The following ANKRD11 variants were observed in gnomAD, a reference collection of about 807,000 sequenced individuals.
ANKRD11 encodes the protein ankyrin repeat domain 11.
In ANKRD11, 17 loss-of-function variants were observed where a neutral mutation model predicts 195.7. The observed-to-expected ratio is 0.09, with a 90% CI of 0.06 to 0.13. ANKRD11 has a LOEUF of 0.13. ANKRD11 is among the 10% of genes least tolerant of loss of function. The probability of loss-of-function intolerance (pLI) is 1.00; values close to 1 mark genes in which losing one functional copy is unlikely to be tolerated. For missense variants in ANKRD11, 3,735 were observed against 3,566.1 expected, an observed-to-expected ratio of 1.05 and a Z score of -1.21; for synonymous variants, 1,953 against 1,528.1, an observed-to-expected ratio of 1.28 and a Z score of -6.49.
At position 89,291,649 on chromosome 16, in the gene ANKRD11, A is replaced by G. The variant is rs1311984739; in HGVS notation, c.227-466T>C. Reference sequence around the variant, plus strand: ...TGGCAGACACAGTTTAAAACACATCAGTAAATCAAGGCCAACTGGTCAGTA... The same window carrying G: ...TGGCAGACACAGTTTAAAACACATCGGTAAATCAAGGCCAACTGGTCAGTA... On this transcript the variant is annotated intron_variant, in intron 4 of 12. Coordinates refer to ENST00000301030, the MANE Select transcript of ANKRD11 (RefSeq NM_013275.6). This position sits in a 1 kb window ranked among gnomAD's most constrained non-coding sequence, Gnocchi z 5.3. The G allele has an allele frequency of 1.6e-6, 2 of 1,280,232 alleles. No homozygotes were observed. Among genetic ancestry groups the G allele is most frequent in the East Asian group, 1.1e-4 (2 of 18,022 alleles). 79.3% of individuals were successfully genotyped at this position (1,280,232 alleles called of 1,614,324 possible). A position where few individuals can be genotyped will look rare whatever the true frequency, so the allele number is the denominator to read the frequency against.
intron 1 of ANKRD11, chr16:89,489,002 T>A (rs1315916336): frequency 6.6e-6 from 1 of 152,106 alleles, no homozygotes; most frequent in South Asian, 2.1e-4. Flanking sequence ...CCAAGCCTCT[T>A]CCAAAACTTC....
intron 2 of ANKRD11, among the ~76,000 whole-genome samples, chr16:89,410,975 C>T (rs1234714748): frequency 1.3e-5 from 2 of 152,228 alleles, no homozygotes; most frequent in Non-Finnish European, 2.9e-5. Context: ...GGCTGCCCGG[C>T]CTCCACAGGC....
chr16:89,337,089 G>C (rs2151982760), intron 2 of ANKRD11, among the ~76,000 whole-genome samples: 1 of 151,224 alleles, frequency 6.6e-6, no homozygotes, highest in Non-Finnish European at 1.5e-5. Context: ...GGGAGGCTGA[G>C]ATGGGAGGAT....
intron 1 of ANKRD11, among the ~76,000 whole-genome samples, chr16:89,441,764 C>G (rs1406792984): frequency 9.8e-5 from 2 of 20,436 alleles, no homozygotes; most frequent in East Asian, 1.4e-3. Context: ...GAGACTCCGC[C>G]TACAAAAAAA....
At chr16:89,453,222 T>C (rs1461643261) in intron 1 of ANKRD11, among the ~76,000 whole-genome samples, 1 of 152,240 alleles carries the variant, frequency 6.6e-6, no homozygotes, top group Non-Finnish European at 1.5e-5. Flanking sequence ...ATTTCTTAGA[T>C]ACTCACTACT....
intron 2 of ANKRD11, among the ~76,000 whole-genome samples, chr16:89,394,648 A>G (rs2041347093): frequency 6.6e-6 from 1 of 151,800 alleles, no homozygotes; most frequent in Non-Finnish European, 1.5e-5. Context: ...AAAAACAAAC[A>G]ACCTTTTGTG....
At chr16:89,489,254 T>G (rs1488516880) in intron 1 of ANKRD11, 1 of 148,738 alleles carries the variant, frequency 6.7e-6, no homozygotes, top group South Asian at 2.2e-4. Flanking sequence ...CGCACACACA[T>G]ACACCACACA....
At position 89,280,929 on chromosome 16, in the gene ANKRD11, G is replaced by A. The variant is rs1334508447; in HGVS notation, c.5613C>T (p.Ala1871=). ...KVDALHCPPA[A]VVTVTPSPEG... is the part of the protein sequence containing the mutation. Reference sequence around the variant, plus strand: ...CTGGAGACGGGGTGACAGTGACAACGGCAGCCGGTGGGCAGTGCAAAGCGT... The same window carrying A: ...CTGGAGACGGGGTGACAGTGACAACAGCAGCCGGTGGGCAGTGCAAAGCGT... The change falls in exon 9 of 13, where the codon GCC becomes GCT. Residue 1871 remains alanine (A), a synonymous_variant. Transcript: ENST00000301030. The A allele has an allele frequency of 4.4e-6, 7 of 1,593,246 alleles. No homozygotes were observed. The highest frequency in any genetic ancestry group is 1.7e-5 in the Admixed American group (1 of 58,506).
intron 2 of ANKRD11, among the ~76,000 whole-genome samples, chr16:89,363,942 T>G (rs2039840255): frequency 1.3e-5 from 2 of 151,836 alleles, no homozygotes; most frequent in Admixed American, 1.3e-4. Context: ...ATGCCTGCAG[T>G]CCCAGCAACT....
chr16:89,454,032 G>A (rs550985718), intron 1 of ANKRD11, among the ~76,000 whole-genome samples: 21 of 152,278 alleles, frequency 1.4e-4, no homozygotes, highest in African/African-American at 3.6e-4. Context: ...AAGAGCACCC[G>A]GCAGGTAGTA....
chr16:89,314,466 G>C (rs964171012), intron 3 of ANKRD11, among the ~76,000 whole-genome samples: 1 of 152,100 alleles, frequency 6.6e-6, no homozygotes, highest in Non-Finnish European at 1.5e-5. Flanking sequence ...GCACACATCA[G>C]CGCTGGGGCT....
chr16:89,370,272 T>G (rs2040136883), intron 2 of ANKRD11, among the ~76,000 whole-genome samples: 1 of 152,230 alleles, frequency 6.6e-6, no homozygotes, highest in African/African-American at 2.4e-5. Flanking sequence ...AGTGTGGGCC[T>G]GTGCCCAACT....
intron 2 of ANKRD11, among the ~76,000 whole-genome samples, chr16:89,388,846 T>G (rs1265847822): frequency 6.6e-6 from 1 of 152,092 alleles, no homozygotes; most frequent in African/African-American, 2.4e-5. Context: ...AACCCAAAAC[T>G]GAACCAAGCT....
intron 9 of ANKRD11, among the ~76,000 whole-genome samples, chr16:89,276,353 G>A (rs1325261323): frequency 2.0e-5 from 3 of 152,192 alleles, no homozygotes; most frequent in Admixed American, 6.5e-5. Flanking sequence ...CATGGACAAT[G>A]GGCTGAGAGA....
chr16:89,314,059 A>G (rs537343661), intron 3 of ANKRD11, among the ~76,000 whole-genome samples: 2 of 152,312 alleles, frequency 1.3e-5, no homozygotes, highest in African/African-American at 4.8e-5. Flanking sequence ...TCTCGTCTCT[A>G]CAAAAGATAC....
intron 2 of ANKRD11, among the ~76,000 whole-genome samples, chr16:89,380,168 G>A (rs903304434): frequency 2.6e-5 from 4 of 152,058 alleles, no homozygotes; most frequent in East Asian, 1.9e-4. Context: ...GCTGGAGAGC[G>A]ATGGCGTGAT....
At chr16:89,480,779 TA>T (rs2057419237) in intron 1 of ANKRD11, among the ~76,000 whole-genome samples, 1 of 152,148 alleles carries the variant, frequency 6.6e-6, no homozygotes, top group South Asian at 2.1e-4. Context: ...CCTTGGCCAT[TA>T]AAGTCATTTA....
chr16:89,344,618 C>G (rs1053709959), intron 2 of ANKRD11, among the ~76,000 whole-genome samples: 4 of 152,222 alleles, frequency 2.6e-5, no homozygotes, highest in Admixed American at 6.5e-5. Context: ...GGAGGACACT[C>G]CAGGCTGAGG....
chr16:89,464,902 T>C (rs1348885388), intron 1 of ANKRD11, among the ~76,000 whole-genome samples: 1 of 152,226 alleles, frequency 6.6e-6, no homozygotes, highest in Non-Finnish European at 1.5e-5. Context: ...CAAGTTCATC[T>C]ACTATGATTA....
Sources: allele counts gnomAD v4.1 joint callset (sites outside exome capture counted in the v4.1 genomes callset), GRCh38; gene constraint gnomAD v4.1.1; non-coding constraint Gnocchi (gnomAD v3.1); transcripts MANE v1.5; gene names NCBI Gene and HGNC (gene_info 2026-07-23, HGNC 2026-07-21).